PRUNE2: variants seen among roughly 807,000 people sequenced by gnomAD.
The protein encoded by PRUNE2 is protein prune homolog 2.
Under a neutral mutation model 252.0 loss-of-function variants are expected in PRUNE2, and 164 were observed. That is an observed-to-expected ratio of 0.65 (90% confidence interval 0.57 to 0.74). The LOEUF (loss-of-function observed/expected upper bound fraction) is 0.74, where lower values mean the gene tolerates loss of function less well. Ranked by LOEUF, PRUNE2 falls within the 30% of genes least tolerant of loss-of-function variation. The probability of loss-of-function intolerance (pLI) is 0.00; values close to 1 mark genes in which losing one functional copy is unlikely to be tolerated. For missense variants in PRUNE2, 3,495 were observed against 3,711.0 expected, an observed-to-expected ratio of 0.94 and a Z score of 1.51; for synonymous variants, 1,292 against 1,350.2, an observed-to-expected ratio of 0.96 and a Z score of 0.94.
At chr9:76,793,670 A>T (rs997395437) in intron 6 of PRUNE2, among the ~76,000 whole-genome samples, 6 of 152,198 alleles carry the variant, frequency 3.9e-5, no homozygotes, top group African/African-American at 1.4e-4. Flanking sequence ...TTAGAATCAT[A>T]GAAGTTTTTA....
At chr9:76,658,816 C>G (rs1207238414) in intron 9 of PRUNE2, among the ~76,000 whole-genome samples, 2 of 152,202 alleles carry the variant, frequency 1.3e-5, no homozygotes. Flanking sequence ...CTGGATGGTA[C>G]TGTGACATTA....
chr9:76,620,881 A>G (rs1832001501), intron 17 of PRUNE2, among the ~76,000 whole-genome samples: 1 of 152,224 alleles, frequency 6.6e-6, no homozygotes, highest in African/African-American at 2.4e-5. Context: ...TGTCACTCCA[A>G]AGGCAACACA....
At chr9:76,841,804 G>C (rs2059407027) in intron 4 of PRUNE2, among the ~76,000 whole-genome samples, 1 of 152,128 alleles carries the variant, frequency 6.6e-6, no homozygotes, top group African/African-American at 2.4e-5. Flanking sequence ...CCAGTCAGGG[G>C]CTTATAGATA....
At chr9:76,771,410 C>T (rs920435319) in intron 6 of PRUNE2, among the ~76,000 whole-genome samples, 1 of 152,140 alleles carries the variant, frequency 6.6e-6, no homozygotes, top group Non-Finnish European at 1.5e-5. Flanking sequence ...ATAAGTCCTA[C>T]TATATGCTGG....
chr9:76,700,830 G>A (rs918171898), intron 9 of PRUNE2, among the ~76,000 whole-genome samples: 6 of 152,100 alleles, frequency 3.9e-5, no homozygotes, highest in African/African-American at 1.4e-4. Context: ...TTCCTCACTT[G>A]TATAATTCTT....
At position 76,707,088 on chromosome 9, in the gene PRUNE2, G is replaced by A. The variant is rs1036099707; in HGVS notation, c.5186C>T (p.Thr1729Ile). 1.2e-6 allele frequency: 2 copies of A among 1,613,930 alleles called. No homozygotes were observed. The highest frequency in any genetic ancestry group is 1.7e-6 in the Non-Finnish European group (2 of 1,179,870). The change falls in exon 8 of 19, where the codon ACA (threonine) becomes ATA (isoleucine). Residue 1729 changes from threonine (T) to isoleucine (I), a missense_variant. By Grantham distance (89) the Thr-to-Ile change is moderately conservative. Transcript: ENST00000376718. The part of the protein sequence containing the change: ...SLNESNKFLV[T>I]ADPKSENIYD... ...AATATTTTCAGACTTAGGATCAGCT[G>A]TGACCAAGAACTTATTAGATTCATT...
intron 15 of PRUNE2, among the ~76,000 whole-genome samples, chr9:76,631,586 T>C (rs1210262407): frequency 3.9e-5 from 6 of 152,228 alleles, no homozygotes; most frequent in Non-Finnish European, 7.3e-5. Context: ...TGTCTGCCCA[T>C]GTCTGCTCCA....
chr9:76,670,420 G>A (rs1441615706), intron 9 of PRUNE2, among the ~76,000 whole-genome samples: 1 of 151,976 alleles, frequency 6.6e-6, no homozygotes, highest in Admixed American at 6.6e-5. Flanking sequence ...GAGTCTCGCT[G>A]ATTGCTAGCA....
intron 9 of PRUNE2, among the ~76,000 whole-genome samples, chr9:76,669,146 T>C (rs1195494949): frequency 6.6e-6 from 1 of 151,918 alleles, no homozygotes; most frequent in Non-Finnish European, 1.5e-5. Flanking sequence ...ATTCAGTGCA[T>C]AACAGGTGGG....
chr9:76,753,211 G>A (rs1160603229), intron 6 of PRUNE2, among the ~76,000 whole-genome samples: 1 of 150,592 alleles, frequency 6.6e-6, no homozygotes, highest in East Asian at 1.9e-4. Flanking sequence ...TGTATTTTTT[G>A]TGGAAATGGA....
intron 6 of PRUNE2, among the ~76,000 whole-genome samples, chr9:76,794,765 T>G (rs949630816): frequency 6.6e-6 from 1 of 152,152 alleles, no homozygotes; most frequent in Non-Finnish European, 1.5e-5. Flanking sequence ...CAGGCCTCAG[T>G]CATCTGCTAT....
chr9:76,707,260 T>C lies in PRUNE2; in HGVS notation c.5014A>G (p.Thr1672Ala), dbSNP rs562372695. Reference protein sequence around the residue: ...QEKNEHDISATVQPEDARVIS... With the variant: ...QEKNEHDISAAVQPEDARVIS... ...ACCCTGGCATCCTCTGGCTGCACAG[T>C]TGCAGAAATGTCATGTTCATTTTTC... Residue 1672 changes from threonine (T) to alanine (A), a missense_variant, in exon 8 of 19, where the codon ACT (threonine) becomes GCT (alanine). Coordinates refer to ENST00000376718, the MANE Select transcript of PRUNE2 (RefSeq NM_015225.3). The C allele has an allele frequency of 3.1e-6, 5 of 1,613,996 alleles. No individual in the cohort carries two copies. The South Asian group carries it at 5.5e-5, about 18-fold the overall frequency.
At chr9:76,850,045 T>G (rs1043911733) in intron 3 of PRUNE2, among the ~76,000 whole-genome samples, 5 of 151,968 alleles carry the variant, frequency 3.3e-5, no homozygotes, top group Admixed American at 1.3e-4. Flanking sequence ...TTTGGGATTT[T>G]GGGGTTTGTT....
Position 76,713,561 on chromosome 9 carries a change from A to C in PRUNE2, c.915+2T>G, listed in dbSNP as rs1257495765. 1 of 1,607,340 alleles carries C rather than the reference A, an allele frequency of 6.2e-7. No homozygotes were observed. Reference sequence around the variant, plus strand: ...CATGACGGGGTCAGAGGAGGGGCTCACCTGACTGCACAGCTCCATGTTTTC... The same window carrying C: ...CATGACGGGGTCAGAGGAGGGGCTCCCCTGACTGCACAGCTCCATGTTTTC... On this transcript the variant is annotated splice_donor_variant, in intron 7 of 18. Coordinates refer to ENST00000376718, the MANE Select transcript of PRUNE2 (RefSeq NM_015225.3). LOFTEE classifies it high-confidence loss of function.
At chr9:76,897,766 G>T (rs902636920) in intron 1 of PRUNE2, among the ~76,000 whole-genome samples, 4 of 152,062 alleles carry the variant, frequency 2.6e-5, no homozygotes, top group Admixed American at 2.0e-4. Context: ...ACTGCAAAAG[G>T]AGATTAGTAC....
chr9:76,630,740 A>C (rs535053255), intron 15 of PRUNE2, among the ~76,000 whole-genome samples: 39 of 152,254 alleles, frequency 2.6e-4, no homozygotes, highest in African/African-American at 9.4e-4. Context: ...GTTAGCCAGG[A>C]TGGTCTCCAT....
chr9:76,754,988 A>AC (rs71976297), intron 6 of PRUNE2, among the ~76,000 whole-genome samples: 2 of 146,896 alleles, frequency 1.4e-5, no homozygotes, highest in Non-Finnish European at 3.0e-5. Flanking sequence ...AAAAAAAAAA[A>AC]CCCAAAAAAA....
chr9:76,685,057 T>G (rs2043933719), intron 9 of PRUNE2, among the ~76,000 whole-genome samples: 1 of 152,246 alleles, frequency 6.6e-6, no homozygotes, highest in Admixed American at 6.5e-5. Context: ...CGGCCACTTC[T>G]GCCTCTTATT....
chr9:76,798,382 C>G (rs1389528969), intron 6 of PRUNE2, among the ~76,000 whole-genome samples: 1 of 152,146 alleles, frequency 6.6e-6, no homozygotes. Flanking sequence ...TGAAATCATA[C>G]TGTATTTGCC....
Sources: allele counts gnomAD v4.1 joint callset (sites outside exome capture counted in the v4.1 genomes callset), GRCh38; gene constraint gnomAD v4.1.1; transcripts MANE v1.5; gene names NCBI Gene and HGNC (gene_info 2026-07-23, HGNC 2026-07-21).